Variants in IGFL4 observed in about 807,000 individuals in gnomAD.
IGFL4 encodes IGF like family member 4.
Under a neutral mutation model 15.4 loss-of-function variants are expected in IGFL4, and 12 were observed. The ratio of observed to expected loss-of-function variants is 0.78; its 90% CI spans 0.50 to 1.26. The LOEUF is 1.26. Among genes scored for constraint, IGFL4 ranks in the 50% most tolerant of loss-of-function variants. The probability of loss-of-function intolerance (pLI) is 0.00; values close to 1 mark genes in which losing one functional copy is unlikely to be tolerated. For synonymous variants in IGFL4, 54 were observed against 55.9 expected (o/e 0.97, Z 0.16); for missense variants, 126 against 147.8 (o/e 0.85, Z 0.76).
chr19:46,049,980 A>C (rs899948027), intron 2 of IGFL4, among the ~76,000 whole-genome samples: 1 of 152,212 alleles, frequency 6.6e-6, no homozygotes, highest in Admixed American at 6.5e-5. Flanking sequence ...AAGACGGATC[A>C]CATCATGGGA....
chr19:46,042,019 T>G (rs2146509200), upstream of IGFL4, among the ~76,000 whole-genome samples: 1 of 151,998 alleles, frequency 6.6e-6, no homozygotes, highest in South Asian at 2.1e-4. Context: ...TTTTGTATTT[T>G]TCATAGAGTT....
At chr19:46,065,436 G>A (rs1969485914) in intron 1 of IGFL4, among the ~76,000 whole-genome samples, 1 of 152,186 alleles carries the variant, frequency 6.6e-6, no homozygotes, top group Non-Finnish European at 1.5e-5. Context: ...ATTCTCCCAA[G>A]TAGCTGGAAA....
intron 1 of IGFL4, among the ~76,000 whole-genome samples, chr19:46,065,596 C>G (rs569623846): frequency 6.6e-6 from 1 of 152,222 alleles, no homozygotes; most frequent in Admixed American, 6.5e-5. Flanking sequence ...CCTGAGCCAC[C>G]GCGCCTGGCT....
chr19:46,066,471 G>A (rs1251898388), intron 1 of IGFL4, among the ~76,000 whole-genome samples: 1 of 152,190 alleles, frequency 6.6e-6, no homozygotes, highest in Non-Finnish European at 1.5e-5. Flanking sequence ...AGGGACCAGT[G>A]TATTAAGCCA....
At position 46,070,224 on chromosome 19, in the gene IGFL4, TC is replaced by T. The variant is rs1358470778; in HGVS notation, c.-432+6795del. ...TGATTCACATCCACGGGACAAAAAC[TC>T]AAGGAGAAATAAGAGCTGACGTCAT... On this transcript the variant is annotated intron_variant, in intron 1 of 5. Coordinates refer to the IGFL4 transcript ENST00000601672. Among the ~76,000 whole-genome samples the T allele has an allele frequency of 4.6e-5, 7 of 151,686 alleles. 1 individual carries two copies. Among genetic ancestry groups the T allele is most frequent in the East Asian group, 1.9e-4 (1 of 5,174 alleles).
intron 2 of IGFL4, among the ~76,000 whole-genome samples, chr19:46,053,375 T>C (rs1197733258): frequency 1.3e-5 from 2 of 152,130 alleles, no homozygotes; most frequent in Admixed American, 6.5e-5. Context: ...CCACCACGCC[T>C]GGCTAACTTT....
intron 2 of IGFL4, among the ~76,000 whole-genome samples, chr19:46,050,505 T>A (rs1459509554): frequency 6.6e-6 from 1 of 152,082 alleles, no homozygotes; most frequent in Non-Finnish European, 1.5e-5. Flanking sequence ...CAGGACAAAC[T>A]TAGAGAAATG....
At chr19:46,044,932 C>T (rs575536325), upstream of IGFL4, among the ~76,000 whole-genome samples, 5 of 152,272 alleles carry the variant, frequency 3.3e-5, no homozygotes, top group South Asian at 4.1e-4. Flanking sequence ...ACACCAACAA[C>T]ATCAGCAAAA....
Position 46,040,723 on chromosome 19 carries a change from G to T in IGFL4, c.20-155C>A. On this transcript the variant is annotated intron_variant, in intron 1 of 3. Coordinates refer to ENST00000377697, the MANE Select transcript of IGFL4 (RefSeq NM_001002923.3). The surrounding 1 kb of genome is among the most constrained non-coding windows in gnomAD (Gnocchi z 4.1). The stretch of plus-strand genomic sequence containing the variant: ...GTGCAGGTCCTGGGGACTGGGCTTG[G>T]CAGGTGAGGAAAGGCAGGGAGGGCT... 1 of 996,376 alleles carries T rather than the reference G, an allele frequency of 1.0e-6. No individual in the cohort carries two copies. Among genetic ancestry groups the T allele is most frequent in the Non-Finnish European group, 1.5e-6 (1 of 646,506 alleles). 61.7% of individuals were successfully genotyped at this position (996,376 alleles called of 1,614,324 possible).
intron 2 of IGFL4, among the ~76,000 whole-genome samples, chr19:46,053,678 T>C (rs1969368658): frequency 1.3e-5 from 2 of 152,220 alleles, no homozygotes; most frequent in African/African-American, 4.8e-5. Flanking sequence ...GTTGTTTTTA[T>C]AGTTTTTAAA....
At chr19:46,042,642 A>G (rs761037925), upstream of IGFL4, among the ~76,000 whole-genome samples, 1 of 152,342 alleles carries the variant, frequency 6.6e-6, no homozygotes, top group Non-Finnish European at 1.5e-5. Context: ...ACACTTTATT[A>G]CTTACACAGA....
upstream of IGFL4, among the ~76,000 whole-genome samples, chr19:46,041,828 C>CCTCT (rs777673835): frequency 7.0e-6 from 1 of 142,954 alleles, no homozygotes. Context: ...CCTCCTCCCT[C>CCTCT]CTCTCTCTCT....
At chr19:46,052,882 T>TC (rs1969359034) in intron 2 of IGFL4, among the ~76,000 whole-genome samples, 1 of 148,924 alleles carries the variant, frequency 6.7e-6, no homozygotes, top group South Asian at 2.1e-4. Context: ...TTTTTTTTTT[T>TC]GGAAATGCTT....
rs538235569 is a variant in IGFL4 at position 46,064,755 on chromosome 19, A to G, written c.-431-4462T>C. ...GCTATTATGAACAGTGCTACAACAA[A>G]TATGGAAGTGCAGGTATCTCTTCAA... On this transcript the variant is annotated intron_variant, in intron 1 of 5. Transcript: ENST00000601672. Among the ~76,000 whole-genome samples the G allele has an allele frequency of 3.9e-5, 6 of 152,346 alleles. No individual in the cohort carries two copies. In the South Asian group the frequency reaches 1.0e-3, roughly 26 times the overall value.
chr19:46,040,993 G>T lies in IGFL4; in HGVS notation c.-31C>A. ...AGGCTTCAGAGCAGCGGACGAGGGAGCAGCAGTGGAAATGGGTCAGTGACT... is the reference window on the plus strand; with the variant it reads ...AGGCTTCAGAGCAGCGGACGAGGGATCAGCAGTGGAAATGGGTCAGTGACT... On this transcript the variant is annotated 5_prime_UTR_variant, in exon 1 of 4. Transcript: ENST00000377697. This position sits in a 1 kb window ranked among gnomAD's most constrained non-coding sequence, Gnocchi z 4.1. 6.4e-7 allele frequency: 1 copy of T among 1,566,604 alleles called. No individual in the cohort carries two copies. Among genetic ancestry groups the T allele is most frequent in the Non-Finnish European group, 8.6e-7 (1 of 1,160,442 alleles).
intron 1 of IGFL4, among the ~76,000 whole-genome samples, chr19:46,060,722 C>T (rs1399531071): frequency 6.6e-6 from 1 of 152,142 alleles, no homozygotes; most frequent in Non-Finnish European, 1.5e-5. Context: ...AAGAGTTTCT[C>T]ATGATTTGGG....
chr19:46,040,712 G>A lies in IGFL4; in HGVS notation c.20-144C>T. 1 of 1,036,190 alleles carries A rather than the reference G, an allele frequency of 9.7e-7. No individual in the cohort carries two copies. The highest frequency in any genetic ancestry group is 1.5e-6 in the Non-Finnish European group (1 of 680,362). The allele number at this position is 1,036,190 out of a possible 1,614,324, so 64.2% of individuals were successfully genotyped here. A position where few individuals can be genotyped will look rare whatever the true frequency, so the allele number is the denominator to read the frequency against. ...ACTGGCTGTGGGTGCAGGTCCTGGG[G>A]ACTGGGCTTGGCAGGTGAGGAAAGG... On this transcript the variant is annotated intron_variant, in intron 1 of 3. Coordinates refer to ENST00000377697, the MANE Select transcript of IGFL4 (RefSeq NM_001002923.3). The surrounding 1 kb of genome is among the most constrained non-coding windows in gnomAD (Gnocchi z 4.1).
At chr19:46,054,959 A>T (rs755312592) in intron 2 of IGFL4, among the ~76,000 whole-genome samples, 19 of 152,262 alleles carry the variant, frequency 1.2e-4, no homozygotes, top group Middle Eastern at 3.4e-3. Context: ...ATCCTTCAGT[A>T]TGGGTATTTA....
chr19:46,066,480 C>T (rs1244191528), intron 1 of IGFL4, among the ~76,000 whole-genome samples: 1 of 152,090 alleles, frequency 6.6e-6, no homozygotes, highest in Non-Finnish European at 1.5e-5. Flanking sequence ...TGTATTAAGC[C>T]ACTTTTGCAT....
Sources: allele counts gnomAD v4.1 joint callset (sites outside exome capture counted in the v4.1 genomes callset), GRCh38; gene constraint gnomAD v4.1.1; non-coding constraint Gnocchi (gnomAD v3.1); transcripts MANE v1.5; gene names NCBI Gene and HGNC (gene_info 2026-07-23, HGNC 2026-07-21).